HEATR5B: variants seen among roughly 807,000 people sequenced by gnomAD.
HEATR5B encodes HEAT repeat-containing protein 5B.
HEATR5B carries 156 observed loss-of-function variants against 224.1 expected under a neutral mutation model. The observed-to-expected ratio is 0.70, with a 90% CI of 0.61 to 0.80. The LOEUF is 0.80. Ranked by LOEUF, HEATR5B falls within the 30% of genes least tolerant of loss-of-function variation. The pLI is 0.00. For missense variants in HEATR5B, 2,323 were observed against 2,535.5 expected (o/e 0.92, Z 1.80); for synonymous variants, 1,027 against 893.0 (o/e 1.15, Z -2.68).
chr2:36,995,104 T>TTTTTTTTTTTTTA, intron 33 of HEATR5B, among the ~76,000 whole-genome samples: 2 of 148,594 alleles, frequency 1.3e-5, no homozygotes, highest in South Asian at 4.3e-4. Flanking sequence ...TTTTTTTTTT[T>TTTTTTTTTTTTTA]CCTGAGATGG....
At chr2:37,052,087 T>C (rs1670592279) in intron 17 of HEATR5B, among the ~76,000 whole-genome samples, 1 of 152,256 alleles carries the variant, frequency 6.6e-6, no homozygotes, top group Admixed American at 6.5e-5. Context: ...CCTTTTTCCC[T>C]GATGTTTACA....
chr2:37,051,901 G>GGCTAATT (rs1670576451), intron 17 of HEATR5B, among the ~76,000 whole-genome samples: 1 of 151,926 alleles, frequency 6.6e-6, no homozygotes, highest in South Asian at 2.1e-4. Flanking sequence ...CACCACGCCT[G>GGCTAATT]GCTAATTTTT....
chr2:36,984,472 T>G (rs900679511), intron 35 of HEATR5B, among the ~76,000 whole-genome samples: 3 of 151,764 alleles, frequency 2.0e-5, no homozygotes, highest in African/African-American at 7.3e-5. Context: ...GGGATTTTAT[T>G]TGGTTGGTTA....
intron 35 of HEATR5B, among the ~76,000 whole-genome samples, chr2:36,987,043 G>A (rs935092327): frequency 6.6e-6 from 1 of 152,124 alleles, no homozygotes; most frequent in Non-Finnish European, 1.5e-5. Flanking sequence ...ATGAGCCACT[G>A]CGCCTGGCCA....
intron 27 of HEATR5B, 54 bp from the exon 28 acceptor site, chr2:37,008,902 A>T: frequency 9.4e-7 from 1 of 1,061,360 alleles, no homozygotes; most frequent in Non-Finnish European, 1.4e-6. Flanking sequence ...AAAAAATAAG[A>T]TATTTTACGT....
chr2:37,062,930 A>C (rs1350187914), intron 10 of HEATR5B, among the ~76,000 whole-genome samples: 1 of 152,164 alleles, frequency 6.6e-6, no homozygotes, highest in East Asian at 1.9e-4. Context: ...TAGGACTACA[A>C]GTGTATGCCA....
chr2:36,983,041 G>C (rs1665689911), intron 35 of HEATR5B, among the ~76,000 whole-genome samples: 1 of 152,022 alleles, frequency 6.6e-6, no homozygotes, highest in African/African-American at 2.4e-5. Flanking sequence ...CTGGTACACA[G>C]CCATCCAGTA....
At chr2:36,990,851 T>G in intron 33 of HEATR5B, 52 bp from the exon 34 acceptor site, 1 of 1,426,764 alleles carries the variant, frequency 7.0e-7, no homozygotes, top group Non-Finnish European at 9.4e-7. Flanking sequence ...TTTTGGCATT[T>G]TATTTTTTTA....
intron 33 of HEATR5B, among the ~76,000 whole-genome samples, chr2:36,998,674 A>G (rs1666884544): frequency 6.6e-6 from 1 of 152,228 alleles, no homozygotes. Flanking sequence ...TGATAAAAAC[A>G]TATGACAGAA....
intron 8 of HEATR5B, among the ~76,000 whole-genome samples, chr2:37,067,918 T>C (rs867765696): frequency 6.6e-6 from 1 of 152,320 alleles, no homozygotes; most frequent in East Asian, 1.9e-4. Context: ...TTGATATTTA[T>C]TCATTAAATC....
intron 7 of HEATR5B, among the ~76,000 whole-genome samples, chr2:37,069,448 T>A (rs541815463): frequency 3.5e-4 from 53 of 152,202 alleles, no homozygotes; most frequent in Non-Finnish European, 6.3e-4. Flanking sequence ...AACCATAACC[T>A]CTTATTCCGT....
chr2:37,059,406 A>ATATG (rs1310148632), intron 12 of HEATR5B, among the ~76,000 whole-genome samples: 1 of 100,224 alleles, frequency 1.0e-5, no homozygotes, highest in African/African-American at 4.0e-5. Flanking sequence ...ATATATGTAT[A>ATATG]TGTGTGTGTG....
chr2:37,017,316 T>G lies in HEATR5B; in HGVS notation c.4104+2493A>C, dbSNP rs1668179240. Among the ~76,000 whole-genome samples, 3 of 151,430 alleles carry G rather than the reference T, an allele frequency of 2.0e-5. No homozygotes were observed. The South Asian group carries it at 6.3e-4, about 32-fold the overall frequency. On this transcript the variant is annotated intron_variant, in intron 26 of 35. Coordinates refer to ENST00000233099, the MANE Select transcript of HEATR5B (RefSeq NM_019024.3). ...AGGAGAATTGCTTGATTGCTTGAAC[T>G]CGGGAGGCGGAGGGTGCAGTGAGCT...
In HEATR5B at chr2:37,040,410, G is replaced by A; in HGVS notation, c.2965C>T (p.Pro989Ser). The A allele has an allele frequency of 1.2e-6, 2 of 1,613,954 alleles. No homozygotes were observed. Among genetic ancestry groups the A allele is most frequent in the South Asian group, 2.2e-5 (2 of 91,042 alleles). ...SLVLTLLLTV[P>S]PSHTEVHQCL... The stretch of plus-strand genomic sequence containing the variant: ...TGATGAACTTCTGTATGTGAAGGCG[G>A]AACTGTCAACAGCAAGGTAAGAACT... The change falls in exon 20 of 36, where the codon CCG becomes TCG. Residue 989 changes from proline to serine, a missense_variant. Physicochemically the swap from Pro to Ser is moderately conservative, Grantham distance 74 (BLOSUM62 -1). Coordinates refer to ENST00000233099, the MANE Select transcript of HEATR5B (RefSeq NM_019024.3).
intron 35 of HEATR5B, among the ~76,000 whole-genome samples, chr2:36,985,319 G>C (rs143077009): frequency 5.4e-4 from 82 of 152,142 alleles, no homozygotes; most frequent in African/African-American, 1.7e-3. Flanking sequence ...TTTAGTCTTA[G>C]ATTCAGTTTT....
chr2:37,013,987 T>G lies in HEATR5B; in HGVS notation c.4138A>C (p.Ser1380Arg), dbSNP rs1443358723. ...CSTWIGSGVV[S>R]DLNDLRRVHN... is the part of the protein sequence containing the mutation. Reference sequence around the variant, plus strand: ...ACTCGACGGAGATCATTGAGATCACTGACAACTCCACTTCCTATCCATGTA... The same window carrying G: ...ACTCGACGGAGATCATTGAGATCACGGACAACTCCACTTCCTATCCATGTA... The change falls in exon 27 of 36, where the codon AGT (serine) becomes CGT (arginine). Residue 1380 changes from serine (S) to arginine (R), a missense_variant. Physicochemically the swap from Ser to Arg is moderately radical, Grantham distance 110 (BLOSUM62 -1). This residue lies in a region of HEATR5B where 339 missense variants were observed against 378.4 expected (regional missense o/e 0.90). Coordinates refer to ENST00000233099, the MANE Select transcript of HEATR5B (RefSeq NM_019024.3). 1 of 1,607,054 alleles carries G rather than the reference T, an allele frequency of 6.2e-7. No individual in the cohort carries two copies. The highest frequency in any genetic ancestry group is 8.5e-7 in the Non-Finnish European group (1 of 1,176,224).
intron 20 of HEATR5B, among the ~76,000 whole-genome samples, chr2:37,039,945 T>A (rs534127553): frequency 1.3e-5 from 2 of 152,328 alleles, no homozygotes; most frequent in South Asian, 4.1e-4. Flanking sequence ...ATTTACCTTA[T>A]GACAGTGGTT....
At chr2:37,074,648 A>G (rs1672117976) in intron 5 of HEATR5B, among the ~76,000 whole-genome samples, 1 of 152,238 alleles carries the variant, frequency 6.6e-6, no homozygotes, top group African/African-American at 2.4e-5. Flanking sequence ...TTTGTAAATC[A>G]CATATCTGAT....
chr2:37,056,820 G>A (rs545024923), intron 15 of HEATR5B, among the ~76,000 whole-genome samples: 1 of 152,258 alleles, frequency 6.6e-6, no homozygotes, highest in African/African-American at 2.4e-5. Context: ...TTTAAGAAAA[G>A]CTTTATTCAT....
Sources: allele counts gnomAD v4.1 joint callset (sites outside exome capture counted in the v4.1 genomes callset), GRCh38; gene constraint gnomAD v4.1.1; regional missense constraint gnomAD v4.1.1; transcripts MANE v1.5; gene names NCBI Gene and HGNC (gene_info 2026-07-23, HGNC 2026-07-21).